The following BBS7 variants were observed in gnomAD, a reference collection of about 807,000 sequenced individuals.
BBS7 encodes BBSome complex member BBS7.
BBS7 carries 50 observed loss-of-function variants against 90.3 expected under a neutral mutation model. That is an observed-to-expected ratio of 0.55 (90% confidence interval 0.44 to 0.70). BBS7 has a LOEUF of 0.70. Among genes scored for constraint, BBS7 ranks in the 30% least tolerant of loss-of-function variants. The pLI is 0.00. For synonymous variants in BBS7, 235 were observed against 287.4 expected (o/e 0.82, Z 1.85); for missense variants, 729 against 838.9 (o/e 0.87, Z 1.62).
At chr4:121,833,461 TTAA>T in intron 14 of BBS7, 66 bp from the exon 15 acceptor site, 2 of 1,420,988 alleles carry the variant, frequency 1.4e-6, no homozygotes, top group Non-Finnish European at 9.9e-7. Context: ...TATGTACACG[TTAA>T]TAAGCAGAAT....
rs767363576 is a variant in BBS7, at chr4:121,828,651, G to A, written c.1754C>T (p.Thr585Ile). The change falls in exon 16 of 19, where the codon ACA becomes ATA. Residue 585 changes from threonine to isoleucine, a missense_variant. By Grantham distance (89) the Thr-to-Ile change is moderately conservative. Transcript: ENST00000264499. ...TATGTTGAGGTTAATTTTCCTTTTTGTAGCTTCTTTAGAAAGCACATCTTT... is the reference window on the plus strand; with the variant it reads ...TATGTTGAGGTTAATTTTCCTTTTTATAGCTTCTTTAGAAAGCACATCTTT... ...ILKDVLSKEA[T>I]KRKINLNISY... The A allele has an allele frequency of 6.2e-7, 1 of 1,608,786 alleles. No individual in the cohort carries two copies. Among genetic ancestry groups the A allele is most frequent in the South Asian group, 1.1e-5 (1 of 90,762 alleles).
chr4:121,861,066 C>T (rs1321625713), intron 4 of BBS7, among the ~76,000 whole-genome samples: 1 of 152,112 alleles, frequency 6.6e-6, no homozygotes, highest in Non-Finnish European at 1.5e-5. Flanking sequence ...ACATATCAGG[C>T]AGCCATTTAG....
intron 12 of BBS7, among the ~76,000 whole-genome samples, chr4:121,842,379 A>G (rs1443571557): frequency 6.6e-6 from 1 of 152,068 alleles, no homozygotes; most frequent in Non-Finnish European, 1.5e-5. Context: ...TCATGCTTAT[A>G]ATCCCAGCAC....
intron 6 of BBS7, among the ~76,000 whole-genome samples, chr4:121,855,174 G>C (rs1249539885): frequency 1.3e-5 from 2 of 152,040 alleles, no homozygotes; most frequent in Non-Finnish European, 2.9e-5. Flanking sequence ...ACCTAGCCGG[G>C]CATGGTGGTG....
At position 121,825,826 on chromosome 4, in the gene BBS7, G is replaced by C; in HGVS notation, c.*34C>G. 6.2e-7 allele frequency: 1 copy of C among 1,606,288 alleles called. No individual in the cohort carries two copies. The highest frequency in any genetic ancestry group is 1.3e-5 in the African/African-American group (1 of 74,866). ...TCTTTTAACATTTTTCATTTAAACA[G>C]ACCACTTCTTTGGGACTTTACCTTA... On this transcript the variant is annotated 3_prime_UTR_variant, in exon 19 of 19. Coordinates refer to ENST00000264499, the MANE Select transcript of BBS7 (RefSeq NM_176824.3).
intron 12 of BBS7, among the ~76,000 whole-genome samples, chr4:121,841,419 G>T (rs1443555966): frequency 6.6e-6 from 1 of 152,028 alleles, no homozygotes; most frequent in African/African-American, 2.4e-5. Flanking sequence ...AAAAAAATTA[G>T]CTGGGCATCA....
chr4:121,868,033 G>T lies in BBS7; in HGVS notation c.50C>A (p.Ser17Tyr). 6.2e-7 allele frequency: 1 copy of T among 1,613,388 alleles called. No individual in the cohort carries two copies. The highest frequency in any genetic ancestry group is 8.5e-7 in the Non-Finnish European group (1 of 1,179,500). ...AGGAATTAGCTTCATAGTCTTCTGA[G>T]ATGTTACTCCCACCTAAAGAAAAAC... Reference protein sequence around the residue: ...RMDYLQVGVTSQKTMKLIPAS... With the variant: ...RMDYLQVGVTYQKTMKLIPAS... Residue 17 changes from serine to tyrosine, a missense_variant, in exon 2 of 19, where the codon TCT (serine) becomes TAT (tyrosine). Physicochemically the swap from Ser to Tyr is moderately radical, Grantham distance 144 (BLOSUM62 -2). Coordinates refer to ENST00000264499, the MANE Select transcript of BBS7 (RefSeq NM_176824.3).
chr4:121,855,297 G>C (rs1376543398), intron 6 of BBS7, 192 bp downstream of exon 6: 3 of 557,430 alleles, frequency 5.4e-6, no homozygotes, highest in Non-Finnish European at 9.9e-6. Context: ...GACAGAGTGA[G>C]ACCCTGCCCC....
chr4:121,852,035 T>C (rs986341560), intron 8 of BBS7, among the ~76,000 whole-genome samples: 5 of 152,242 alleles, frequency 3.3e-5, no homozygotes, highest in African/African-American at 1.2e-4. Flanking sequence ...GGATTATTAT[T>C]TCTAAGCCTA....
In BBS7 at chr4:121,847,496, T is replaced by C; in HGVS notation, c.945A>G (p.Thr315=). 3 of 1,611,468 alleles carry C rather than the reference T, an allele frequency of 1.9e-6. No individual in the cohort carries two copies. Among genetic ancestry groups the C allele is most frequent in the South Asian group, 2.2e-5 (2 of 91,050 alleles). The change falls in exon 10 of 19, where the codon ACA becomes ACG. Residue 315 remains threonine, a synonymous_variant. Transcript: ENST00000264499. ...TATGAATGGGCTCTGTTGTCAGACC[T>C]GTAACCCAGCCTGTAGAGATGAATT... The part of the protein sequence containing the change: ...IVVSTYSGWV[T]GLTTEPIHKE...
At chr4:121,839,922 C>T (rs1489513266) in intron 12 of BBS7, among the ~76,000 whole-genome samples, 1 of 152,108 alleles carries the variant, frequency 6.6e-6, no homozygotes, top group African/African-American at 2.4e-5. Context: ...TAAATAAAAG[C>T]CATTAAGTGA....
intron 2 of BBS7, among the ~76,000 whole-genome samples, chr4:121,866,928 A>G (rs1315237107): frequency 6.6e-6 from 1 of 152,138 alleles, no homozygotes; most frequent in Non-Finnish European, 1.5e-5. Context: ...TTGTGGTTCC[A>G]TACAAATTTT....
intron 2 of BBS7, among the ~76,000 whole-genome samples, chr4:121,865,837 G>A (rs1336266565): frequency 6.6e-6 from 1 of 152,154 alleles, no homozygotes; most frequent in Non-Finnish European, 1.5e-5. Flanking sequence ...GCACAGAAGA[G>A]TTTCCTTTCT....
chr4:121,840,102 C>T (rs979104688), intron 12 of BBS7, among the ~76,000 whole-genome samples: 3 of 152,152 alleles, frequency 2.0e-5, no homozygotes, highest in Admixed American at 6.5e-5. Context: ...ATTGTACTGC[C>T]ATAATTCCCA....
intron 2 of BBS7, among the ~76,000 whole-genome samples, chr4:121,866,365 T>C (rs927050650): frequency 1.2e-4 from 18 of 152,186 alleles, no homozygotes; most frequent in Non-Finnish European, 2.9e-5. Context: ...TTTTGTTTTT[T>C]TGAGATGGAG....
intron 3 of BBS7, among the ~76,000 whole-genome samples, chr4:121,863,014 G>T (rs562325245): frequency 6.6e-6 from 1 of 152,122 alleles, no homozygotes; most frequent in Non-Finnish European, 1.5e-5. Context: ...AGTAACCCAC[G>T]ACCACAGGAT....
rs727503821 is a variant in BBS7, at chr4:121,853,077, C to T, written c.728G>A (p.Cys243Tyr). 9.9e-6 allele frequency: 16 copies of T among 1,612,934 alleles called. No individual in the cohort carries two copies. In the East Asian group the frequency reaches 2.9e-4, roughly 29 times the overall value. The change falls in exon 8 of 19, where the codon TGT (cysteine) becomes TAT (tyrosine). Residue 243 changes from cysteine to tyrosine, a missense_variant. Coordinates refer to ENST00000264499, the MANE Select transcript of BBS7 (RefSeq NM_176824.3). Reference protein sequence around the residue: ...QNEKKRGGILCIDSFDIVGDG... With the variant: ...QNEKKRGGILYIDSFDIVGDG... ...ACCCACAATGTCAAAGCTGTCAATACACAAAATACCTTTAAAAAGAGATAT... is the reference window on the plus strand; with the variant it reads ...ACCCACAATGTCAAAGCTGTCAATATACAAAATACCTTTAAAAAGAGATAT...
chr4:121,841,482 C>G (rs1725738295), intron 12 of BBS7, among the ~76,000 whole-genome samples: 2 of 152,062 alleles, frequency 1.3e-5, no homozygotes, highest in South Asian at 4.1e-4. Flanking sequence ...AGAAGATAAG[C>G]TTAAGCCCAG....
intron 15 of BBS7, among the ~76,000 whole-genome samples, chr4:121,832,303 C>G (rs571996494): frequency 6.6e-6 from 1 of 152,104 alleles, no homozygotes; most frequent in Non-Finnish European, 1.5e-5. Context: ...ACCTGGGTGA[C>G]AGAGTGAGAT....
Sources: gnomAD v4.1 joint callset for allele counts (sites outside exome capture counted in the v4.1 genomes callset) on GRCh38, gnomAD v4.1.1 for gene constraint, MANE v1.5 for transcripts, NCBI Gene and HGNC (gene_info 2026-07-23, HGNC 2026-07-21) for gene names.